The following KCNH7 variants were observed in gnomAD, a reference collection of about 807,000 sequenced individuals.
KCNH7 encodes the protein voltage-gated inwardly rectifying potassium channel KCNH7.
In KCNH7, 49 loss-of-function variants were observed where a neutral mutation model predicts 120.8. That is an observed-to-expected ratio of 0.41 (90% CI 0.32 to 0.51). The LOEUF (loss-of-function observed/expected upper bound fraction) is 0.51. KCNH7 is among the 20% of genes least tolerant of loss of function. The probability of loss-of-function intolerance (pLI) is 0.38; values close to 1 mark genes in which losing one functional copy is unlikely to be tolerated. For synonymous variants in KCNH7, 547 were observed against 516.1 expected (o/e 1.06, Z -0.81); for missense variants, 1,097 against 1,446.6 (o/e 0.76, Z 3.92).
chr2:162,414,872 C>T (rs1423286077), intron 9 of KCNH7, among the ~76,000 whole-genome samples: 2 of 151,860 alleles, frequency 1.3e-5, no homozygotes, highest in Non-Finnish European at 2.9e-5. Flanking sequence ...GAATGCAAGT[C>T]CCTTTAAATT....
chr2:162,705,095 T>C (rs567253718), intron 2 of KCNH7, among the ~76,000 whole-genome samples: 1 of 152,174 alleles, frequency 6.6e-6, no homozygotes, highest in African/African-American at 2.4e-5. Flanking sequence ...TGTCATACTA[T>C]AAAAGAAAAA....
At chr2:162,655,864 C>T (rs1559067025) in intron 2 of KCNH7, among the ~76,000 whole-genome samples, 1 of 152,110 alleles carries the variant, frequency 6.6e-6, no homozygotes, top group Non-Finnish European at 1.5e-5. Flanking sequence ...AGCATAGTTC[C>T]TGATACATCG....
intron 8 of KCNH7, among the ~76,000 whole-genome samples, chr2:162,428,014 T>C (rs1286286732): frequency 2.0e-5 from 3 of 151,856 alleles, no homozygotes; most frequent in Non-Finnish European, 3.0e-5. Flanking sequence ...TCTGCTCTTA[T>C]ATCTATTATT....
At chr2:162,617,646 G>A (rs1220469478) in intron 2 of KCNH7, among the ~76,000 whole-genome samples, 1 of 152,144 alleles carries the variant, frequency 6.6e-6, no homozygotes, top group African/African-American at 2.4e-5. Context: ...GACCATGGTT[G>A]CTTATCTCAA....
chr2:162,786,585 T>C (rs2105507399), intron 2 of KCNH7, among the ~76,000 whole-genome samples: 1 of 152,300 alleles, frequency 6.6e-6, no homozygotes, highest in Non-Finnish European at 1.5e-5. Flanking sequence ...TTTGAAAATG[T>C]TTCAAAAAGT....
intron 15 of KCNH7, 124 bp downstream of exon 15, chr2:162,373,346 T>C: frequency 3.5e-6 from 2 of 573,020 alleles, no homozygotes; most frequent in Non-Finnish European, 5.6e-6. Flanking sequence ...AAATTCTATT[T>C]GAGTAGAAAC....
chr2:162,615,399 A>G (rs968433574), intron 2 of KCNH7, among the ~76,000 whole-genome samples: 3 of 152,226 alleles, frequency 2.0e-5, no homozygotes, highest in Admixed American at 6.5e-5. Context: ...GACTATTTAC[A>G]TAAAGGACAA....
chr2:162,685,944 T>C (rs924986745), intron 2 of KCNH7, among the ~76,000 whole-genome samples: 22 of 152,140 alleles, frequency 1.4e-4, no homozygotes, highest in African/African-American at 5.1e-4. Context: ...GACAAAACAA[T>C]AAAATAGATA....
intron 14 of KCNH7, among the ~76,000 whole-genome samples, chr2:162,379,413 T>G (rs186279537): frequency 2.0e-5 from 3 of 152,318 alleles, no homozygotes; most frequent in Admixed American, 2.0e-4. Flanking sequence ...TTACATTTTT[T>G]GATAAGCTGA....
intron 2 of KCNH7, among the ~76,000 whole-genome samples, chr2:162,684,124 G>A (rs1237567477): frequency 6.6e-6 from 1 of 152,114 alleles, no homozygotes; most frequent in Non-Finnish European, 1.5e-5. Context: ...AATAAATGGT[G>A]TTGAGAAAAC....
At chr2:162,505,448 T>C (rs1690839741) in intron 5 of KCNH7, among the ~76,000 whole-genome samples, 1 of 151,890 alleles carries the variant, frequency 6.6e-6, no homozygotes, top group Non-Finnish European at 1.5e-5. Flanking sequence ...TAATAGGGCA[T>C]GCCTGGGGTT....
chr2:162,423,028 G>A (rs1687755002), intron 9 of KCNH7, among the ~76,000 whole-genome samples: 1 of 152,092 alleles, frequency 6.6e-6, no homozygotes, highest in Non-Finnish European at 1.5e-5. Flanking sequence ...TGGCAATGAG[G>A]CCATGCAGTA....
At chr2:162,609,731 A>T (rs575105642) in intron 2 of KCNH7, among the ~76,000 whole-genome samples, 1 of 152,230 alleles carries the variant, frequency 6.6e-6, no homozygotes, top group South Asian at 2.1e-4. Context: ...AGGGAGGGGA[A>T]ACTGGGGAGT....
At chr2:162,672,500 A>G (rs909532115) in intron 2 of KCNH7, among the ~76,000 whole-genome samples, 11 of 152,016 alleles carry the variant, frequency 7.2e-5, no homozygotes, top group Non-Finnish European at 1.5e-4. Context: ...ATACAGCTAA[A>G]GTAGTATTTA....
At chr2:162,736,846 T>C (rs951811848) in intron 2 of KCNH7, among the ~76,000 whole-genome samples, 7 of 152,210 alleles carry the variant, frequency 4.6e-5, no homozygotes, top group Non-Finnish European at 7.3e-5. Flanking sequence ...ACTGTGGTTC[T>C]GCACAATGAC....
intron 2 of KCNH7, among the ~76,000 whole-genome samples, chr2:162,693,268 C>CA (rs934886324): frequency 6.6e-5 from 10 of 152,100 alleles, no homozygotes; most frequent in African/African-American, 1.9e-4. Flanking sequence ...TGACCACACA[C>CA]AAAAAAATGA....
intron 2 of KCNH7, among the ~76,000 whole-genome samples, chr2:162,611,461 G>C (rs915970410): frequency 6.6e-6 from 1 of 152,132 alleles, no homozygotes; most frequent in South Asian, 2.1e-4. Context: ...TTTTAAGGAA[G>C]AATTTTGAAT....
chr2:162,569,741 G>A (rs11156335), intron 2 of KCNH7, among the ~76,000 whole-genome samples: 2 of 151,376 alleles, frequency 1.3e-5, no homozygotes, highest in South Asian at 2.1e-4. Flanking sequence ...CTTTGCTCTC[G>A]TTGGTTTCAA....
At chr2:162,549,426 C>G (rs972417400) in intron 2 of KCNH7, among the ~76,000 whole-genome samples, 11 of 152,352 alleles carry the variant, frequency 7.2e-5, no homozygotes, top group African/African-American at 2.2e-4. Flanking sequence ...GACTTTGAAG[C>G]TGATCATTGA....
Sources: gnomAD v4.1 joint callset for allele counts (sites outside exome capture counted in the v4.1 genomes callset) on GRCh38, gnomAD v4.1.1 for gene constraint, MANE v1.5 for transcripts, NCBI Gene and HGNC (gene_info 2026-07-23, HGNC 2026-07-21) for gene names.